ARID4B: variants seen among roughly 807,000 people sequenced by gnomAD.
ARID4B encodes the protein AT-rich interactive domain-containing protein 4B.
A neutral mutation model predicts 147.5 loss-of-function variants in ARID4B; 26 were observed. That is an observed-to-expected ratio of 0.18 (90% CI 0.13 to 0.24). The LOEUF (loss-of-function observed/expected upper bound fraction) is 0.24. Ranked by LOEUF, ARID4B falls within the 10% of genes least tolerant of loss-of-function variation. ARID4B has a pLI of 1.00. For synonymous variants in ARID4B, 512 were observed against 507.9 expected (o/e 1.01, Z -0.11); for missense variants, 1,179 against 1,511.5 (o/e 0.78, Z 3.65).
At position 235,213,993 on chromosome 1, in the gene ARID4B, ATCATCT is replaced by A. The variant is rs1358835244; in HGVS notation, c.1611_1616del (p.Glu537_Asp538del). 2 of 1,589,994 alleles carry A rather than the reference ATCATCT, an allele frequency of 1.3e-6. No individual in the cohort carries two copies. Among genetic ancestry groups the A allele is most frequent in the Middle Eastern group, 1.7e-4 (1 of 6,016 alleles). Reference sequence around the variant, plus strand: ...CCTCCTCCTCCTCTTCTGCTTCTTCATCATCTTCATCTTCTTCTTTATTCGTTTCAT... The same window carrying A: ...CCTCCTCCTCCTCTTCTGCTTCTTCATCATCTTCTTCTTTATTCGTTTCAT... On this transcript the variant is annotated inframe_deletion, in exon 17 of 24. Coordinates refer to ENST00000264183, the MANE Select transcript of ARID4B (RefSeq NM_016374.6).
At chr1:235,304,276 A>C (rs1673392599) in intron 2 of ARID4B, among the ~76,000 whole-genome samples, 1 of 152,076 alleles carries the variant, frequency 6.6e-6, no homozygotes, top group Non-Finnish European at 1.5e-5. Context: ...TGAGCCCAGG[A>C]GGTGGAGGCT....
At chr1:235,218,115 T>C (rs1411530544) in intron 16 of ARID4B, among the ~76,000 whole-genome samples, 1 of 152,180 alleles carries the variant, frequency 6.6e-6, no homozygotes, top group African/African-American at 2.4e-5. Context: ...CAGACCACAG[T>C]TGACCACAGG....
chr1:235,168,347 G>C lies in ARID4B; in HGVS notation c.*178C>G, dbSNP rs1663085838. 6 of 607,444 alleles carry C rather than the reference G, an allele frequency of 9.9e-6. No individual in the cohort carries two copies. Among genetic ancestry groups the C allele is most frequent in the Admixed American group, 3.6e-5 (1 of 27,764 alleles). 37.6% of individuals were successfully genotyped at this position (607,444 alleles called of 1,614,324 possible). On this transcript the variant is annotated 3_prime_UTR_variant, in exon 24 of 24. Coordinates refer to ENST00000264183, the MANE Select transcript of ARID4B (RefSeq NM_016374.6). The stretch of plus-strand genomic sequence containing the variant: ...AACAATTATTGCTTGAGGAAAAGCA[G>C]TTCATTGTACTTTTTCTTCATAAAA...
At chr1:235,267,479 A>G (rs1428885889) in intron 2 of ARID4B, among the ~76,000 whole-genome samples, 2 of 152,202 alleles carry the variant, frequency 1.3e-5, no homozygotes, top group African/African-American at 4.8e-5. Flanking sequence ...TTAAAAACCA[A>G]GCTTAAAATG....
intron 2 of ARID4B, among the ~76,000 whole-genome samples, chr1:235,291,980 T>C (rs753053631): frequency 6.6e-6 from 1 of 152,162 alleles, no homozygotes; most frequent in Non-Finnish European, 1.5e-5. Flanking sequence ...AATTTAACAA[T>C]TGGAGGTAAA....
Position 235,293,471 on chromosome 1 carries a change from C to T in ARID4B, c.7-32719G>A, listed in dbSNP as rs141900177. ...GTCTTTCCAGACCTTTTCTTAAAAG[C>T]ATTAACAGCTGATGTGCCAAGTCAG... On this transcript the variant is annotated intron_variant, in intron 2 of 23. Coordinates refer to ENST00000264183, the MANE Select transcript of ARID4B (RefSeq NM_016374.6). 5.6e-4 allele frequency among the ~76,000 whole-genome samples: 86 copies of T among 152,282 alleles called. 2 individuals carry two copies. Among genetic ancestry groups the T allele is most frequent in the African/African-American group, 1.8e-3 (75 of 41,550 alleles).
Position 235,221,919 on chromosome 1 carries a change from T to TTTTC in ARID4B, c.1066-258_1066-257insGAAA, listed in dbSNP as rs1558217449. Among the ~76,000 whole-genome samples the TTTTC allele has an allele frequency of 3.7e-5, 4 of 106,690 alleles. No individual in the cohort carries two copies. In the East Asian group the frequency reaches 9.2e-4, roughly 25 times the overall value. 70.0% of individuals were successfully genotyped at this position (106,690 alleles called of 152,430 possible). A position where few individuals can be genotyped will look rare whatever the true frequency, so the allele number is the denominator to read the frequency against. ...TTTTTTTTTTTTTTTTTTTTTTTTT[T>TTTTC]TGGAGACAGGATCTTATTCTATTGC... On this transcript the variant is annotated intron_variant, in intron 13 of 23. Coordinates refer to ENST00000264183, the MANE Select transcript of ARID4B (RefSeq NM_016374.6).
intron 8 of ARID4B, among the ~76,000 whole-genome samples, chr1:235,237,433 T>A (rs1668679378): frequency 6.6e-6 from 1 of 152,184 alleles, no homozygotes; most frequent in African/African-American, 2.4e-5. Flanking sequence ...AAAGGTATTA[T>A]AAAATATTTA....
chr1:235,238,365 T>C (rs150652787), intron 8 of ARID4B, among the ~76,000 whole-genome samples: 3 of 152,148 alleles, frequency 2.0e-5, no homozygotes, highest in Admixed American at 6.5e-5. Flanking sequence ...AGAGGAGAAT[T>C]TGGCTAATTA....
chr1:235,291,347 G>A (rs1292809292), intron 2 of ARID4B, among the ~76,000 whole-genome samples: 1 of 152,094 alleles, frequency 6.6e-6, no homozygotes, highest in African/African-American at 2.4e-5. Flanking sequence ...GGCAGAGGTT[G>A]CGGTGAGCTG....
In ARID4B at chr1:235,168,020, AATTTATTACAT is replaced by A. The variant is rs762472902; in HGVS notation, c.*494_*504del. On this transcript the variant is annotated 3_prime_UTR_variant, in exon 24 of 24. Coordinates refer to ENST00000264183, the MANE Select transcript of ARID4B (RefSeq NM_016374.6). Reference sequence around the variant, plus strand: ...AATATCCTGTTAACTGCAGGTTTTGAATTTATTACATGTGCTTGACTTATACAATTAAAGCC... The same window carrying A: ...AATATCCTGTTAACTGCAGGTTTTGAGTGCTTGACTTATACAATTAAAGCC... The A allele has an allele frequency of 3.1e-5, 6 of 196,160 alleles. No homozygotes were observed. The highest frequency in any genetic ancestry group is 6.4e-5 in the Non-Finnish European group (6 of 94,412). The allele number at this position is 196,160 out of a possible 1,614,324, so 12.2% of individuals were successfully genotyped here. A position where few individuals can be genotyped will look rare whatever the true frequency, so the allele number is the denominator to read the frequency against.
chr1:235,174,750 T>G (rs1459891581), intron 22 of ARID4B, among the ~76,000 whole-genome samples: 1 of 151,772 alleles, frequency 6.6e-6, no homozygotes, highest in Non-Finnish European at 1.5e-5. Context: ...AGATGGAGGT[T>G]GCAGTGAGCA....
chr1:235,271,084 G>C (rs529878568), intron 2 of ARID4B, among the ~76,000 whole-genome samples: 2 of 152,074 alleles, frequency 1.3e-5, no homozygotes, highest in South Asian at 4.1e-4. Flanking sequence ...AATCCCTACT[G>C]GGCCAGTCCT....
chr1:235,240,449 G>T lies in ARID4B; in HGVS notation c.449C>A (p.Pro150Gln). Residue 150 changes from proline (P) to glutamine (Q), a missense_variant and splice_region_variant, in exon 8 of 24, where the codon CCA becomes CAA. Transcript: ENST00000264183. ...GGAGGATGATGAAGACTCTTCCTCT[G>T]GTCTAGGGAGAGAAAAAAATAAAAT... ...TNRGRRSNHI[P>Q]EEESSSSSSD... 6.2e-7 allele frequency: 1 copy of T among 1,612,140 alleles called. No individual in the cohort carries two copies. The highest frequency in any genetic ancestry group is 8.5e-7 in the Non-Finnish European group (1 of 1,178,864).
At chr1:235,324,270 T>G (rs1675057507) in intron 2 of ARID4B, among the ~76,000 whole-genome samples, 3 of 152,118 alleles carry the variant, frequency 2.0e-5, no homozygotes, top group Admixed American at 2.0e-4. Flanking sequence ...AACACCAACA[T>G]CACGATCTAT....
intron 3 of ARID4B, 71 bp from the exon 4 acceptor site, chr1:235,257,296 T>C (rs1184762658): frequency 1.0e-6 from 1 of 998,106 alleles, no homozygotes; most frequent in Admixed American, 1.8e-5. Flanking sequence ...GCACCAATTA[T>C]TCATTTGTAG....
chr1:235,222,873 G>A (rs2103029178), intron 13 of ARID4B, among the ~76,000 whole-genome samples: 1 of 151,860 alleles, frequency 6.6e-6, no homozygotes, highest in South Asian at 2.1e-4. Context: ...TGTAGAGATG[G>A]GGTTTTGCTA....
At chr1:235,206,338 A>C (rs1007080961) in intron 17 of ARID4B, among the ~76,000 whole-genome samples, 1 of 152,212 alleles carries the variant, frequency 6.6e-6, no homozygotes, top group Non-Finnish European at 1.5e-5. Context: ...AGTTGAAGGG[A>C]AAGAATTTAC....
intron 22 of ARID4B, among the ~76,000 whole-genome samples, chr1:235,173,770 AAATATATATAT>A (rs1274774792): frequency 5.3e-5 from 2 of 37,482 alleles, no homozygotes; most frequent in African/African-American, 3.3e-4. Context: ...AAAAAAAAAA[AAATATATATAT>A]ATATATATAT....
Sources: allele counts gnomAD v4.1 joint callset (sites outside exome capture counted in the v4.1 genomes callset), GRCh38; gene constraint gnomAD v4.1.1; transcripts MANE v1.5; gene names NCBI Gene and HGNC (gene_info 2026-07-23, HGNC 2026-07-21).